Variants in SBF2 observed in about 807,000 individuals in gnomAD.
SBF2 encodes myotubularin-related protein 13.
Under a neutral mutation model 225.2 loss-of-function variants are expected in SBF2, and 112 were observed. That is an observed-to-expected ratio of 0.50 (90% CI 0.43 to 0.58). SBF2 has a LOEUF of 0.58. Among genes scored for constraint, SBF2 ranks in the 20% least tolerant of loss-of-function variants. The probability of loss-of-function intolerance (pLI) is 0.00; values close to 1 mark genes in which losing one functional copy is unlikely to be tolerated. For missense variants in SBF2, 1,996 were observed against 2,206.2 expected, an observed-to-expected ratio of 0.90 and a Z score of 1.91; for synonymous variants, 763 against 773.3, an observed-to-expected ratio of 0.99 and a Z score of 0.22.
At chr11:9,863,854 A>G (rs1305765157) in intron 17 of SBF2, among the ~76,000 whole-genome samples, 2 of 151,896 alleles carry the variant, frequency 1.3e-5, no homozygotes, top group Non-Finnish European at 2.9e-5. Flanking sequence ...AACCATGATC[A>G]TGAATTACAT....
intron 6 of SBF2, among the ~76,000 whole-genome samples, chr11:10,020,718 A>G (rs149565014): frequency 2.5e-3 from 388 of 152,218 alleles, no homozygotes; most frequent in African/African-American, 8.9e-3. Flanking sequence ...AAATAATCAC[A>G]TAGTATCACA....
chr11:10,289,055 C>T (rs1052797102), intron 1 of SBF2, among the ~76,000 whole-genome samples: 2 of 152,218 alleles, frequency 1.3e-5, no homozygotes, highest in African/African-American at 4.8e-5. Context: ...TCCCACGGTG[C>T]TTGTCAGGGC....
chr11:9,785,458 A>T (rs1852309544), intron 36 of SBF2, 140 bp from the exon 37 acceptor site: 1 of 724,392 alleles, frequency 1.4e-6, no homozygotes, highest in African/African-American at 1.8e-5. Flanking sequence ...TCAATCTCAG[A>T]GTTAGTTATC....
chr11:9,837,807 G>A (rs1424271903), intron 26 of SBF2, among the ~76,000 whole-genome samples: 2 of 151,768 alleles, frequency 1.3e-5, no homozygotes, highest in South Asian at 2.1e-4. Flanking sequence ...GCTTGACCTC[G>A]GCTCACTGTA....
intron 16 of SBF2, among the ~76,000 whole-genome samples, chr11:9,908,711 T>C (rs988255061): frequency 1.3e-5 from 2 of 152,160 alleles, no homozygotes; most frequent in African/African-American, 4.8e-5. Context: ...GTTGTTGTTT[T>C]AGAAAGGGCA....
chr11:10,194,309 T>C (rs1957285731), intron 1 of SBF2, among the ~76,000 whole-genome samples: 3 of 152,192 alleles, frequency 2.0e-5, no homozygotes, highest in Admixed American at 2.0e-4. Flanking sequence ...TTCCATACCA[T>C]TTTCATTGTA....
rs750353766 is a variant in SBF2 at position 9,808,955 on chromosome 11, C to G, written c.4203G>C (p.Glu1401Asp). 1 of 1,614,046 alleles carries G rather than the reference C, an allele frequency of 6.2e-7. No homozygotes were observed. The highest frequency in any genetic ancestry group is 8.5e-7 in the Non-Finnish European group (1 of 1,179,946). The change falls in exon 31 of 40, where the codon GAG (glutamate) becomes GAC (aspartate). Residue 1401 changes from glutamate to aspartate, a missense_variant. By Grantham distance (45) the Glu-to-Asp change is conservative (BLOSUM62 2). Transcript: ENST00000256190. The stretch of plus-strand genomic sequence containing the variant: ...AACAGACCAAAACTGAGGAACCATT[C>G]TCAAGTACTTCTGATACAACCACAG... ...QLAVVVSEVL[E>D]NGSSVLVCLE...
At chr11:10,106,725 C>T (rs955105429) in intron 2 of SBF2, among the ~76,000 whole-genome samples, 2 of 150,588 alleles carry the variant, frequency 1.3e-5, no homozygotes, top group African/African-American at 4.9e-5. Flanking sequence ...ATAAAAAAGC[C>T]ACAGATTAAA....
chr11:10,042,783 T>TA (rs1949701102), intron 3 of SBF2, 61 bp downstream of exon 3: 1 of 1,575,228 alleles, frequency 6.3e-7, no homozygotes, highest in Non-Finnish European at 8.7e-7. Context: ...ATATGGCATA[T>TA]AAAAAACATT....
At chr11:10,289,807 C>T (rs1964050469) in intron 1 of SBF2, among the ~76,000 whole-genome samples, 1 of 152,168 alleles carries the variant, frequency 6.6e-6, no homozygotes, top group Non-Finnish European at 1.5e-5. Context: ...CCTCCAGCTC[C>T]GCCTCCTCCT....
intron 28 of SBF2, chr11:9,828,711 G>A (rs1855207427): frequency 1.2e-6 from 1 of 845,378 alleles, no homozygotes; most frequent in Non-Finnish European, 1.4e-6. Flanking sequence ...AATCATAATA[G>A]GCTGCAGATA....
chr11:10,293,563 C>A (rs1372329970), intron 1 of SBF2, among the ~76,000 whole-genome samples: 1 of 152,228 alleles, frequency 6.6e-6, no homozygotes, highest in Admixed American at 6.5e-5. Flanking sequence ...GGACTCTCAG[C>A]ACTTCCTTTC....
At chr11:10,271,675 A>C (rs1426819853) in intron 1 of SBF2, among the ~76,000 whole-genome samples, 2 of 127,026 alleles carry the variant, frequency 1.6e-5, no homozygotes, top group Non-Finnish European at 3.7e-5. Flanking sequence ...AAATAAACAA[A>C]ACTATTTTCC....
At chr11:10,260,512 G>C (rs1314948625) in intron 1 of SBF2, among the ~76,000 whole-genome samples, 2 of 151,852 alleles carry the variant, frequency 1.3e-5, no homozygotes, top group Non-Finnish European at 2.9e-5. Flanking sequence ...GTCAGGAGAT[G>C]GAGACCATCC....
intron 1 of SBF2, among the ~76,000 whole-genome samples, chr11:10,241,322 C>G (rs1175886505): frequency 6.9e-6 from 1 of 145,704 alleles, no homozygotes. Context: ...CCACTGCACT[C>G]TGGCCTGGGT....
chr11:10,223,632 C>A (rs995042169), intron 1 of SBF2, among the ~76,000 whole-genome samples: 10 of 151,760 alleles, frequency 6.6e-5, no homozygotes, highest in African/African-American at 2.4e-4. Context: ...ACATATCAAG[C>A]AATTAAACTT....
At chr11:10,200,384 C>A (rs1257167165) in intron 1 of SBF2, among the ~76,000 whole-genome samples, 1 of 152,100 alleles carries the variant, frequency 6.6e-6, no homozygotes, top group Non-Finnish European at 1.5e-5. Context: ...GATTACTGAG[C>A]CGGTCTGAAT....
intron 13 of SBF2, among the ~76,000 whole-genome samples, chr11:9,980,265 C>G (rs1042797643): frequency 6.7e-6 from 1 of 148,414 alleles, no homozygotes; most frequent in Non-Finnish European, 1.5e-5. Context: ...CAGGCATGAG[C>G]CACCATACCC....
rs186638547 is a variant in SBF2, at chr11:10,256,125, A to G, written c.55+37890T>C. ...AGAAAATGTGGGGGAATATGAAAAT[A>G]TAAGAAAAATCTCCACAATCAGGCT... On this transcript the variant is annotated intron_variant, in intron 1 of 39. Coordinates refer to ENST00000256190, the MANE Select transcript of SBF2 (RefSeq NM_030962.4). Among the ~76,000 whole-genome samples the G allele has an allele frequency of 2.2e-3, 335 of 152,334 alleles. 1 individual carries two copies. The highest frequency in any genetic ancestry group is 4.1e-3 in the Non-Finnish European group (279 of 68,028).
Sources: gnomAD v4.1 joint callset for allele counts (sites outside exome capture counted in the v4.1 genomes callset) on GRCh38, gnomAD v4.1.1 for gene constraint, MANE v1.5 for transcripts, NCBI Gene and HGNC (gene_info 2026-07-23, HGNC 2026-07-21) for gene names.